The following MRPS9 variants were observed in gnomAD, a reference collection of about 807,000 sequenced individuals.
The protein encoded by MRPS9 is small ribosomal subunit protein uS9m.
MRPS9 carries 45 observed loss-of-function variants against 59.9 expected under a neutral mutation model. The observed-to-expected ratio is 0.75, with a 90% CI of 0.59 to 0.96. The LOEUF (loss-of-function observed/expected upper bound fraction) is 0.96. Ranked by LOEUF, MRPS9 falls within the 40% of genes least tolerant of loss-of-function variation. The probability of loss-of-function intolerance (pLI) is 0.00; values close to 1 mark genes in which losing one functional copy is unlikely to be tolerated. For missense variants in MRPS9, 473 were observed against 481.1 expected (o/e 0.98, Z 0.16); for synonymous variants, 171 against 166.8 (o/e 1.03, Z -0.19).
intron 2 of MRPS9, among the ~76,000 whole-genome samples, chr2:105,067,997 T>G (rs979657367): frequency 1.3e-5 from 2 of 148,188 alleles, no homozygotes; most frequent in South Asian, 4.1e-4. Flanking sequence ...TTCTTAAAAA[T>G]TTTTTTTGTA....
At chr2:105,059,494 C>G (rs563537614) in intron 2 of MRPS9, among the ~76,000 whole-genome samples, 1 of 152,158 alleles carries the variant, frequency 6.6e-6, no homozygotes, top group Non-Finnish European at 1.5e-5. Flanking sequence ...AAATACCTGG[C>G]TAGCAGGATT....
intron 10 of MRPS9, 104 bp from the exon 11 acceptor site, chr2:105,099,566 G>T: frequency 9.2e-7 from 1 of 1,085,512 alleles, no homozygotes; most frequent in Non-Finnish European, 1.3e-6. Flanking sequence ...CTTTCCTCTA[G>T]TTTTTTTTCT....
chr2:105,040,129 T>C (rs974375847), intron 1 of MRPS9, among the ~76,000 whole-genome samples: 1 of 152,216 alleles, frequency 6.6e-6, no homozygotes, highest in Non-Finnish European at 1.5e-5. Flanking sequence ...ATTCTTATGA[T>C]TGCATACATA....
At chr2:105,042,671 CAA>C (rs1392500958) in intron 1 of MRPS9, among the ~76,000 whole-genome samples, 1 of 152,212 alleles carries the variant, frequency 6.6e-6, no homozygotes, top group African/African-American at 2.4e-5. Context: ...TTAGCTTAAA[CAA>C]AACTGCATCT....
At chr2:105,091,487 T>C (rs1680557418) in intron 7 of MRPS9, 2 of 410,244 alleles carry the variant, frequency 4.9e-6, no homozygotes, top group African/African-American at 4.1e-5. Context: ...CATTACATCA[T>C]AGGAAGCTGT....
chr2:105,096,676 C>T (rs1680666869), intron 9 of MRPS9, among the ~76,000 whole-genome samples: 1 of 152,154 alleles, frequency 6.6e-6, no homozygotes, highest in African/African-American at 2.4e-5. Flanking sequence ...ACTTTAAAAA[C>T]TAACCATATC....
chr2:105,090,242 G>T (rs1004115561), intron 7 of MRPS9, among the ~76,000 whole-genome samples: 3 of 152,202 alleles, frequency 2.0e-5, no homozygotes, highest in Non-Finnish European at 2.9e-5. Context: ...TCCTCCTCTT[G>T]TAAGTGCCCT....
chr2:105,075,640 C>T (rs1215393500), intron 4 of MRPS9, among the ~76,000 whole-genome samples: 2 of 152,220 alleles, frequency 1.3e-5, no homozygotes, highest in African/African-American at 4.8e-5. Flanking sequence ...TCTGTTGTCA[C>T]TAAATAAAAC....
chr2:105,095,838 G>T (rs1055926281), intron 9 of MRPS9, among the ~76,000 whole-genome samples: 2 of 151,076 alleles, frequency 1.3e-5, no homozygotes, highest in Admixed American at 6.6e-5. Flanking sequence ...TAAGAGACAA[G>T]GTCTCTTTAT....
rs554259577 is a variant in MRPS9, at chr2:105,044,630, C to A, written c.136-4541C>A. 3.9e-5 allele frequency among the ~76,000 whole-genome samples: 6 copies of A among 152,224 alleles called. No individual in the cohort carries two copies. In the South Asian group the frequency reaches 1.2e-3, roughly 32 times the overall value. On this transcript the variant is annotated intron_variant, in intron 1 of 10. Transcript: ENST00000258455. Reference sequence around the variant, plus strand: ...GAAAATGTTTATAAATATGTTTAAACCTCAATTATGTTAAAAGTAGGAAAG... The same window carrying A: ...GAAAATGTTTATAAATATGTTTAAAACTCAATTATGTTAAAAGTAGGAAAG...
intron 2 of MRPS9, among the ~76,000 whole-genome samples, chr2:105,054,589 G>A (rs1259417262): frequency 6.6e-6 from 1 of 151,008 alleles, no homozygotes; most frequent in African/African-American, 2.4e-5. Flanking sequence ...ACCCCTTTTG[G>A]TATCGCATTT....
intron 5 of MRPS9, among the ~76,000 whole-genome samples, chr2:105,086,842 G>A (rs879493799): frequency 6.6e-6 from 1 of 152,082 alleles, no homozygotes; most frequent in Non-Finnish European, 1.5e-5. Flanking sequence ...GGTCCAGCCT[G>A]CTGACAGGCT....
chr2:105,079,220 A>G (rs571871076), intron 4 of MRPS9, among the ~76,000 whole-genome samples: 3 of 152,350 alleles, frequency 2.0e-5, no homozygotes, highest in South Asian at 4.1e-4. Flanking sequence ...CCTGGGGGAA[A>G]ATAGTTTACA....
chr2:105,069,748 C>T (rs757560737), intron 2 of MRPS9, among the ~76,000 whole-genome samples: 1 of 151,768 alleles, frequency 6.6e-6, no homozygotes, highest in Admixed American at 6.6e-5. Context: ...TATTAAGGCT[C>T]ATGTGTGTAA....
intron 2 of MRPS9, among the ~76,000 whole-genome samples, chr2:105,069,078 C>T (rs557758923): frequency 2.0e-5 from 3 of 152,228 alleles, no homozygotes; most frequent in East Asian, 1.9e-4. Flanking sequence ...TTTATAGCCT[C>T]GCCAACAGTG....
At chr2:105,053,430 A>C (rs1347846237) in intron 2 of MRPS9, among the ~76,000 whole-genome samples, 2 of 152,224 alleles carry the variant, frequency 1.3e-5, no homozygotes, top group Non-Finnish European at 1.5e-5. Context: ...TAGTTTTTTC[A>C]TACTAGTTAT....
In MRPS9 at chr2:105,042,423, A is replaced by C. The variant is rs71417335; in HGVS notation, c.135+4196A>C. 9.5e-3 allele frequency among the ~76,000 whole-genome samples: 1,451 copies of C among 152,370 alleles called. 10 individuals are homozygous for C. Among genetic ancestry groups the C allele is most frequent in the Non-Finnish European group, 0.015 (1,046 of 68,030 alleles). On this transcript the variant is annotated intron_variant, in intron 1 of 10. Transcript: ENST00000258455. The stretch of plus-strand genomic sequence containing the variant: ...TGGCTTCCCTCAGGCTGATGAAGAA[A>C]AGGTAAGCAAGAGAGAAGAACAGCA...
intron 2 of MRPS9, among the ~76,000 whole-genome samples, chr2:105,070,446 G>A (rs1255578536): frequency 6.6e-6 from 1 of 152,128 alleles, no homozygotes; most frequent in Non-Finnish European, 1.5e-5. Context: ...ATGCGGGTAG[G>A]CAGAGAAGGC....
At chr2:105,097,399 C>T in intron 10 of MRPS9, 75 bp downstream of exon 10, 1 of 1,323,530 alleles carries the variant, frequency 7.6e-7, no homozygotes, top group Non-Finnish European at 9.9e-7. Flanking sequence ...GTCCTAGTGC[C>T]TGAAGTTCGT....
Sources: gnomAD v4.1 joint callset for allele counts (sites outside exome capture counted in the v4.1 genomes callset) on GRCh38, gnomAD v4.1.1 for gene constraint, MANE v1.5 for transcripts, NCBI Gene and HGNC (gene_info 2026-07-23, HGNC 2026-07-21) for gene names.